MTR: variants seen among roughly 807,000 people sequenced by gnomAD.
MTR encodes 5-methyltetrahydrofolate-homocysteine methyltransferase.
Under a neutral mutation model 154.8 loss-of-function variants are expected in MTR, and 84 were observed. That is an observed-to-expected ratio of 0.54 (90% confidence interval 0.45 to 0.65). The LOEUF is 0.65. Among genes scored for constraint, MTR ranks in the 30% least tolerant of loss-of-function variants. MTR has a pLI of 0.00. For missense variants in MTR, 1,275 were observed against 1,570.2 expected (o/e 0.81, Z 3.18); for synonymous variants, 554 against 553.9 (o/e 1.00, Z 0.00).
At chr1:236,807,661 A>G (rs1320241502) in intron 3 of MTR, among the ~76,000 whole-genome samples, 1 of 152,232 alleles carries the variant, frequency 6.6e-6, no homozygotes, top group Admixed American at 6.5e-5. Flanking sequence ...TGATAGAAAT[A>G]TATGGTAGAT....
At chr1:236,896,983 T>C in intron 31 of MTR, 23 bp from the exon 32 acceptor site, 1 of 1,565,526 alleles carries the variant, frequency 6.4e-7, no homozygotes, top group Non-Finnish European at 8.8e-7. Flanking sequence ...CCATAAGCAT[T>C]TTCCCTGTGT....
chr1:236,893,072 G>A (rs1666419350), intron 29 of MTR, among the ~76,000 whole-genome samples: 1 of 152,176 alleles, frequency 6.6e-6, no homozygotes, highest in Non-Finnish European at 1.5e-5. Context: ...GCTCTTCTGA[G>A]TAGGCTCTGA....
At chr1:236,819,662 A>T in intron 8 of MTR, 1 of 617,752 alleles carries the variant, frequency 1.6e-6, no homozygotes, top group Non-Finnish European at 3.0e-6. Context: ...ATGTCCTGCA[A>T]ATGAAAGAGG....
intron 15 of MTR, among the ~76,000 whole-genome samples, 165 bp downstream of exon 15, chr1:236,838,764 A>G (rs1318576102): frequency 1.3e-5 from 2 of 152,238 alleles, no homozygotes; most frequent in African/African-American, 4.8e-5. Context: ...ACAGTCATAC[A>G]TGATGTGTTA....
chr1:236,858,807 G>A (rs1175150351), intron 18 of MTR, among the ~76,000 whole-genome samples: 2 of 152,162 alleles, frequency 1.3e-5, no homozygotes, highest in African/African-American at 4.8e-5. Context: ...CAGTTGAGGT[G>A]GAGAAAACAA....
In MTR at chr1:236,816,490, C is replaced by A; in HGVS notation, c.711C>A (p.Ser237=). The A allele has an allele frequency of 6.2e-7, 1 of 1,614,054 alleles. No individual in the cohort carries two copies. The highest frequency in any genetic ancestry group is 1.1e-5 in the South Asian group (1 of 91,070). The stretch of plus-strand genomic sequence containing the variant: ...TTGATAAAAGTGGGCGGACTCTTTC[C>A]GGACAGACAGGAGAGGGATTTGTCA... The part of the protein sequence containing the change: ...TIVDKSGRTL[S]GQTGEGFVIS... Residue 237 remains serine, a synonymous_variant, in exon 8 of 33, where the codon TCC becomes TCA. Coordinates refer to ENST00000366577, the MANE Select transcript of MTR (RefSeq NM_000254.3).
intron 15 of MTR, among the ~76,000 whole-genome samples, chr1:236,841,126 C>A (rs2103183436): frequency 6.6e-6 from 1 of 152,312 alleles, no homozygotes; most frequent in Non-Finnish European, 1.5e-5. Context: ...GCATCTACCT[C>A]TTTATCTTCA....
At chr1:236,827,580 A>C (rs1487848085) in intron 11 of MTR, among the ~76,000 whole-genome samples, 1 of 152,192 alleles carries the variant, frequency 6.6e-6, no homozygotes, top group Non-Finnish European at 1.5e-5. Context: ...ATTGTGGGCA[A>C]ATACAGGCCT....
At chr1:236,861,539 C>G (rs1356285252) in intron 20 of MTR, among the ~76,000 whole-genome samples, 2 of 152,064 alleles carry the variant, frequency 1.3e-5, no homozygotes, top group Non-Finnish European at 2.9e-5. Context: ...CACCTCTTAC[C>G]CCCAGTGCCT....
At chr1:236,897,344 A>ACACACACACACACACG (rs1666720221) in intron 32 of MTR, among the ~76,000 whole-genome samples, 2 of 139,030 alleles carry the variant, frequency 1.4e-5, no homozygotes, top group African/African-American at 3.2e-5. Context: ...ACACACACAC[A>ACACACACACACACACG]TACAGCTTCT....
At chr1:236,820,377 G>A in intron 8 of MTR, 1 of 799,370 alleles carries the variant, frequency 1.3e-6, no homozygotes, top group Non-Finnish European at 2.2e-6. Context: ...TTGCAGATTG[G>A]TCTGAGGCAT....
chr1:236,800,165 G>A (rs1409543334), intron 1 of MTR: 3 of 985,288 alleles, frequency 3.0e-6, no homozygotes, highest in Admixed American at 6.1e-5. Flanking sequence ...CAACTTGTGT[G>A]CACTCGCTCA....
chr1:236,799,978 G>C (rs1660618448), intron 1 of MTR: 1 of 872,402 alleles, frequency 1.1e-6, no homozygotes, highest in Non-Finnish European at 1.4e-6. Flanking sequence ...CAAGATGCCA[G>C]AATTTGCATG....
intron 14 of MTR, 40 bp from the exon 15 acceptor site, chr1:236,838,374 C>G (rs373274887): frequency 2.5e-6 from 4 of 1,600,072 alleles, no homozygotes; most frequent in African/African-American, 1.3e-5. Context: ...TTATAGTGAC[C>G]TGTGGCCTCT....
chr1:236,856,690 C>G (rs974614846), intron 18 of MTR, among the ~76,000 whole-genome samples: 1 of 152,066 alleles, frequency 6.6e-6, no homozygotes, highest in Non-Finnish European at 1.5e-5. Context: ...AGCTTCCCAA[C>G]CCCCCGACAG....
chr1:236,890,148 G>T (rs570994792), intron 28 of MTR, among the ~76,000 whole-genome samples: 7 of 144,404 alleles, frequency 4.8e-5, no homozygotes, highest in South Asian at 4.3e-4. Flanking sequence ...AGTTTCCCAC[G>T]GGGGGGCGTG....
chr1:236,819,256 G>A (rs774441113), intron 8 of MTR, among the ~76,000 whole-genome samples: 9 of 152,112 alleles, frequency 5.9e-5, no homozygotes, highest in Admixed American at 2.0e-4. Flanking sequence ...TTGTGCTCCA[G>A]TTATTTATTC....
intron 1 of MTR, among the ~76,000 whole-genome samples, chr1:236,799,114 CTA>C (rs1455429335): frequency 6.6e-6 from 1 of 151,764 alleles, no homozygotes; most frequent in African/African-American, 2.4e-5. Flanking sequence ...GTTGAGGAAA[CTA>C]TGTTTTTTTT....
At chr1:236,868,360 G>A (rs1160058969) in intron 22 of MTR, among the ~76,000 whole-genome samples, 1 of 151,982 alleles carries the variant, frequency 6.6e-6, no homozygotes, top group African/African-American at 2.4e-5. Context: ...ACATAATAGA[G>A]TACAGTATAG....
Sources: gnomAD v4.1 joint callset for allele counts (sites outside exome capture counted in the v4.1 genomes callset) on GRCh38, gnomAD v4.1.1 for gene constraint, MANE v1.5 for transcripts, NCBI Gene and HGNC (gene_info 2026-07-23, HGNC 2026-07-21) for gene names.